SCHIP1: variants seen among roughly 807,000 people sequenced by gnomAD.
SCHIP1 encodes schwannomin interacting protein 1, also known as schwannomin-interacting protein 1.
SCHIP1 carries 8 observed loss-of-function variants against 29.7 expected under a neutral mutation model. That is an observed-to-expected ratio of 0.27 (90% CI 0.16 to 0.49). SCHIP1 has a LOEUF of 0.49. Ranked by LOEUF, SCHIP1 falls within the 20% of genes least tolerant of loss-of-function variation. The pLI, the probability that SCHIP1 is intolerant of heterozygous loss-of-function variation, is 0.99. For synonymous variants in SCHIP1, 76 were observed against 94.9 expected (o/e 0.80, Z 1.16); for missense variants, 193 against 294.6 (o/e 0.66, Z 2.52).
the SCHIP1 span, among the ~76,000 whole-genome samples, chr3:159,808,163 G>T: frequency 6.6e-6 from 1 of 152,112 alleles, no homozygotes; most frequent in Non-Finnish European, 1.5e-5. Context: ...ATTTTGATAA[G>T]AACCCATTAA....
chr3:159,344,900 C>T, the SCHIP1 span, among the ~76,000 whole-genome samples: 3 of 152,148 alleles, frequency 2.0e-5, no homozygotes, highest in Admixed American at 1.3e-4. Context: ...GAACTCTGTA[C>T]TGTCTTCACA....
the SCHIP1 span, among the ~76,000 whole-genome samples, chr3:159,397,744 T>G: frequency 1.3e-5 from 2 of 152,212 alleles, no homozygotes; most frequent in Non-Finnish European, 1.5e-5. Context: ...CAGGGACATT[T>G]AAGTCTACAG....
intron 2 of SCHIP1, among the ~76,000 whole-genome samples, chr3:159,866,931 C>T (rs1714693642): frequency 6.6e-6 from 1 of 152,056 alleles, no homozygotes; most frequent in African/African-American, 2.4e-5. Flanking sequence ...CTTTAATGTG[C>T]TTATGAATCA....
chr3:159,596,514 G>T, the SCHIP1 span, among the ~76,000 whole-genome samples: 1 of 152,072 alleles, frequency 6.6e-6, no homozygotes, highest in Admixed American at 6.6e-5. Flanking sequence ...GTTTATTGTG[G>T]CACTATTCAC....
chr3:159,319,194 C>T, the SCHIP1 span, among the ~76,000 whole-genome samples: 1 of 152,160 alleles, frequency 6.6e-6, no homozygotes, highest in African/African-American at 2.4e-5. Flanking sequence ...GCTTGCATAG[C>T]AGTCTGGATC....
At chr3:159,418,048 CATTG>C in the SCHIP1 span, among the ~76,000 whole-genome samples, 5 of 152,206 alleles carry the variant, frequency 3.3e-5, no homozygotes, top group African/African-American at 7.2e-5. Context: ...GGAATGAACA[CATTG>C]TTGTATGGCC....
chr3:159,601,919 G>A, the SCHIP1 span, among the ~76,000 whole-genome samples: 1 of 152,204 alleles, frequency 6.6e-6, no homozygotes, highest in Non-Finnish European at 1.5e-5. Flanking sequence ...TGTTCCGAGA[G>A]CAGAATGCTA....
At chr3:159,808,972 T>A in the SCHIP1 span, among the ~76,000 whole-genome samples, 3 of 123,684 alleles carry the variant, frequency 2.4e-5, no homozygotes, top group Non-Finnish European at 5.1e-5. Context: ...AAAAAGAAAC[T>A]TTTTTTTTCT....
the SCHIP1 span, among the ~76,000 whole-genome samples, chr3:159,469,866 G>T: frequency 2.0e-5 from 3 of 152,032 alleles, no homozygotes; most frequent in South Asian, 6.2e-4. Flanking sequence ...ATCACAAAAA[G>T]TCAATTCCCC....
the SCHIP1 span, among the ~76,000 whole-genome samples, chr3:159,806,667 A>C: frequency 6.6e-6 from 1 of 152,248 alleles, no homozygotes; most frequent in Non-Finnish European, 1.5e-5. Flanking sequence ...CAGCTGTAGA[A>C]ATCCTGACAG....
the SCHIP1 span, among the ~76,000 whole-genome samples, chr3:159,393,347 C>G: frequency 3.4e-3 from 514 of 152,000 alleles, no homozygotes; most frequent in Middle Eastern, 0.014. Flanking sequence ...TTTGGCTTTT[C>G]TTGCCATTGC....
chr3:159,514,542 G>C, the SCHIP1 span, among the ~76,000 whole-genome samples: 1 of 152,188 alleles, frequency 6.6e-6, no homozygotes, highest in Non-Finnish European at 1.5e-5. Flanking sequence ...CTTCATTGCC[G>C]ATGAAGAAGT....
the SCHIP1 span, among the ~76,000 whole-genome samples, chr3:159,508,296 T>C: frequency 6.6e-6 from 1 of 152,226 alleles, no homozygotes; most frequent in Non-Finnish European, 1.5e-5. Flanking sequence ...TGTATTTCTG[T>C]GGGATCAGTG....
chr3:159,526,046 C>T, the SCHIP1 span, among the ~76,000 whole-genome samples: 1 of 152,216 alleles, frequency 6.6e-6, no homozygotes, highest in African/African-American at 2.4e-5. Context: ...AGTCATAAAA[C>T]TCACTGAAAA....
At chr3:159,409,467 A>G in the SCHIP1 span, among the ~76,000 whole-genome samples, 1 of 152,170 alleles carries the variant, frequency 6.6e-6, no homozygotes, top group Admixed American at 6.5e-5. Context: ...ATACAAAAAT[A>G]ATAGCATTTC....
At chr3:159,610,825 AG>A in the SCHIP1 span, among the ~76,000 whole-genome samples, 2 of 152,106 alleles carry the variant, frequency 1.3e-5, no homozygotes, top group African/African-American at 4.8e-5. Context: ...GTCATTTTTC[AG>A]TGAAGAGCTC....
chr3:159,790,795 A>G, the SCHIP1 span, among the ~76,000 whole-genome samples: 3 of 152,206 alleles, frequency 2.0e-5, no homozygotes, highest in Non-Finnish European at 2.9e-5. Flanking sequence ...TCCACTTAGA[A>G]GCATTTTTTT....
At chr3:159,642,801 C>A in the SCHIP1 span, among the ~76,000 whole-genome samples, 2 of 152,110 alleles carry the variant, frequency 1.3e-5, no homozygotes, top group East Asian at 3.9e-4. Context: ...AGGATGCTTG[C>A]CAGATAGGAG....
chr3:159,462,293 C>T, the SCHIP1 span, among the ~76,000 whole-genome samples: 169 of 152,164 alleles, frequency 1.1e-3, 1 homozygote, highest in African/African-American at 3.8e-3. Flanking sequence ...GTGTGGGGAA[C>T]GGCCTGCCAG....
Sources: gnomAD v4.1 joint callset for allele counts (sites outside exome capture counted in the v4.1 genomes callset) on GRCh38, gnomAD v4.1.1 for gene constraint, MANE v1.5 for transcripts, NCBI Gene and HGNC (gene_info 2026-07-23, HGNC 2026-07-21) for gene names.